Variants in EML6 observed in about 807,000 individuals in gnomAD.
EML6 encodes the protein EMAP like 6.
Under a neutral mutation model 240.1 loss-of-function variants are expected in EML6, and 154 were observed. That is an observed-to-expected ratio of 0.64 (90% CI 0.56 to 0.73). The LOEUF is 0.73. Ranked by LOEUF, EML6 falls within the 30% of genes least tolerant of loss-of-function variation. The pLI is 0.00. For synonymous variants in EML6, 1,148 were observed against 899.0 expected (o/e 1.28, Z -4.95); for missense variants, 2,964 against 2,474.6 (o/e 1.20, Z -4.20).
chr2:54,904,514 T>G (rs547457544), intron 24 of EML6, among the ~76,000 whole-genome samples: 1 of 152,108 alleles, frequency 6.6e-6, no homozygotes, highest in African/African-American at 2.4e-5. Context: ...TCTTGAGAGA[T>G]AAGGAGAAAT....
intron 32 of EML6, among the ~76,000 whole-genome samples, chr2:54,954,794 T>C (rs1676156313): frequency 6.6e-6 from 1 of 152,178 alleles, no homozygotes; most frequent in African/African-American, 2.4e-5. Flanking sequence ...GTCCTCCTCA[T>C]ATATTCTCAG....
chr2:54,942,011 C>G (rs774382814), intron 28 of EML6, among the ~76,000 whole-genome samples: 1 of 152,318 alleles, frequency 6.6e-6, no homozygotes, highest in East Asian at 1.9e-4. Context: ...CCACTAAAAG[C>G]TGAATCATTC....
At position 54,952,671 on chromosome 2, in the gene EML6, G is replaced by A. The variant is rs988819576; in HGVS notation, c.4291G>A (p.Val1431Met). The A allele has an allele frequency of 1.4e-5, 22 of 1,551,090 alleles. No homozygotes were observed. The highest frequency in any genetic ancestry group is 1.7e-4 in the Middle Eastern group (1 of 6,014). The change falls in exon 31 of 42, where the codon GTG becomes ATG. Residue 1431 changes from valine to methionine, a missense_variant. Coordinates refer to ENST00000356458, the MANE Select transcript of EML6 (RefSeq NM_001039753.4). ...TVNQHPKYRN[V>M]VATSQIGTTP... ...GAACCAGCACCCCAAGTACAGAAAC[G>A]TGGTGGCCACCAGCCAGATAGGTAG...
At chr2:54,937,289 A>T (rs1675188277) in intron 28 of EML6, among the ~76,000 whole-genome samples, 1 of 150,598 alleles carries the variant, frequency 6.6e-6, no homozygotes. Context: ...AAAAAAAAAA[A>T]AGAAGAAGTC....
intron 2 of EML6, among the ~76,000 whole-genome samples, chr2:54,780,036 C>T (rs1369868938): frequency 6.6e-6 from 1 of 151,870 alleles, no homozygotes; most frequent in Non-Finnish European, 1.5e-5. Flanking sequence ...ACTCCCACTC[C>T]CACCTCCTAA....
intron 14 of EML6, chr2:54,868,513 G>A (rs775098754): frequency 6.6e-6 from 1 of 152,184 alleles, no homozygotes; most frequent in Non-Finnish European, 1.5e-5. Context: ...AATTAGGTAA[G>A]AATGGAGGCC....
intron 3 of EML6, among the ~76,000 whole-genome samples, chr2:54,815,581 C>T (rs1396639278): frequency 6.6e-6 from 1 of 152,134 alleles, no homozygotes; most frequent in Non-Finnish European, 1.5e-5. Flanking sequence ...GAATGGAATT[C>T]ACCCATTCAG....
intron 28 of EML6, among the ~76,000 whole-genome samples, chr2:54,936,637 G>T (rs1441999275): frequency 6.6e-6 from 1 of 152,112 alleles, no homozygotes; most frequent in Non-Finnish European, 1.5e-5. Context: ...ACCTGAGTCA[G>T]CCATCTGTAT....
intron 36 of EML6, among the ~76,000 whole-genome samples, chr2:54,963,703 G>A (rs371489298): frequency 2.6e-5 from 4 of 152,314 alleles, no homozygotes; most frequent in East Asian, 1.9e-4. Context: ...GAGTAGTTGC[G>A]ACAGAGACTA....
chr2:54,917,368 T>A (rs1159436954), intron 26 of EML6, among the ~76,000 whole-genome samples: 2 of 149,842 alleles, frequency 1.3e-5, no homozygotes, highest in Non-Finnish European at 3.0e-5. Context: ...GTTTTTTTTT[T>A]TTTTTTTGTT....
intron 8 of EML6, 56 bp from the exon 9 acceptor site, chr2:54,847,430 G>A: frequency 1.3e-6 from 2 of 1,531,936 alleles, no homozygotes; most frequent in Non-Finnish European, 1.8e-6. Flanking sequence ...CCTTGGGCTG[G>A]CCGATGACCA....
Position 54,832,305 on chromosome 2 carries a change from C to T in EML6, c.847+2828C>T, listed in dbSNP as rs141614012. On this transcript the variant is annotated intron_variant, in intron 7 of 41. Transcript: ENST00000356458. ...AATCCCTCTCTAAGGTGCTCTGTTG[C>T]GCTCAGCCAGGCCTTGGTGCCATTA... Among the ~76,000 whole-genome samples, 499 of 152,302 alleles carry T rather than the reference C, an allele frequency of 3.3e-3. 5 individuals carry two copies. The highest frequency in any genetic ancestry group is 0.011 in the African/African-American group (462 of 41,560).
intron 30 of EML6, 102 bp downstream of exon 30, chr2:54,950,881 T>A (rs1397702716): frequency 8.0e-7 from 1 of 1,242,900 alleles, no homozygotes; most frequent in African/African-American, 1.5e-5. Context: ...CCTTCCCTTA[T>A]AGAGCCATTC....
At position 54,835,380 on chromosome 2, in the gene EML6, C is replaced by G. The variant is rs79557495; in HGVS notation, c.847+5903C>G. Among the ~76,000 whole-genome samples the G allele has an allele frequency of 4.8e-3, 734 of 152,276 alleles. 6 individuals are homozygous for G. Among genetic ancestry groups the G allele is most frequent in the Non-Finnish European group, 8.7e-3 (589 of 68,030 alleles). ...TAGCTGTCAGGTGAATGAAAAGTGTCATAGGACTGGAGGGTGGAGCCTTGT... is the reference window on the plus strand; with the variant it reads ...TAGCTGTCAGGTGAATGAAAAGTGTGATAGGACTGGAGGGTGGAGCCTTGT... On this transcript the variant is annotated intron_variant, in intron 7 of 41. Coordinates refer to ENST00000356458, the MANE Select transcript of EML6 (RefSeq NM_001039753.4).
Position 54,910,989 on chromosome 2 carries a change from C to A in EML6, c.3445C>A (p.Gln1149Lys). The change falls in exon 25 of 42, where the codon CAA becomes AAA. Residue 1149 changes from glutamine (Q) to lysine (K), a missense_variant. Gln to Lys is a moderately conservative substitution (Grantham distance 53). Coordinates refer to ENST00000356458, the MANE Select transcript of EML6 (RefSeq NM_001039753.4). ...LLQVNSGARE[Q>K]LFFEAPRGKR... ...GCAAGTGAATTCAGGTGCCAGAGAA[C>A]AACTTTTTTTTGAAGCTCCAAGAGG... 3 of 1,538,246 alleles carry A rather than the reference C, an allele frequency of 2.0e-6. No homozygotes were observed. Among genetic ancestry groups the A allele is most frequent in the East Asian group, 4.9e-5 (2 of 40,794 alleles).
intron 13 of EML6, among the ~76,000 whole-genome samples, 189 bp from the exon 14 acceptor site, chr2:54,866,577 T>TC (rs1670981439): frequency 6.6e-6 from 1 of 152,156 alleles, no homozygotes; most frequent in Non-Finnish European, 1.5e-5. Flanking sequence ...TATTTTAAAA[T>TC]CCCAATTATT....
intron 2 of EML6, among the ~76,000 whole-genome samples, chr2:54,729,689 G>C (rs570675446): frequency 6.6e-6 from 1 of 152,264 alleles, no homozygotes; most frequent in Admixed American, 6.5e-5. Flanking sequence ...CTTATATTGT[G>C]GTCCCTACAA....
At chr2:54,758,146 T>G (rs1667821344) in intron 2 of EML6, among the ~76,000 whole-genome samples, 1 of 152,210 alleles carries the variant, frequency 6.6e-6, no homozygotes, top group Admixed American at 6.5e-5. Context: ...TATCTACACC[T>G]TCATCTTTTT....
chr2:54,775,218 C>T (rs933478920), intron 2 of EML6, among the ~76,000 whole-genome samples: 1 of 152,204 alleles, frequency 6.6e-6, no homozygotes, highest in African/African-American at 2.4e-5. Context: ...ACCCTTGCTG[C>T]CCAGTGTATT....
Sources: allele counts gnomAD v4.1 joint callset (sites outside exome capture counted in the v4.1 genomes callset), GRCh38; gene constraint gnomAD v4.1.1; transcripts MANE v1.5; gene names NCBI Gene and HGNC (gene_info 2026-07-23, HGNC 2026-07-21).